The following TANC2 variants were observed in gnomAD, a reference collection of about 807,000 sequenced individuals.
TANC2 encodes the protein protein TANC2.
TANC2 carries 26 observed loss-of-function variants against 210.5 expected under a neutral mutation model. The observed-to-expected ratio is 0.12, with a 90% CI of 0.09 to 0.17. The LOEUF (loss-of-function observed/expected upper bound fraction) is 0.17. TANC2 is among the 10% of genes least tolerant of loss of function. The pLI, the probability that TANC2 is intolerant of heterozygous loss-of-function variation, is 1.00. For missense variants in TANC2, 2,129 were observed against 2,608.9 expected, an observed-to-expected ratio of 0.82 and a Z score of 4.01; for synonymous variants, 931 against 967.1, an observed-to-expected ratio of 0.96 and a Z score of 0.69.
At chr17:63,409,560 C>G (rs1490874506) in intron 21 of TANC2, among the ~76,000 whole-genome samples, 1 of 152,144 alleles carries the variant, frequency 6.6e-6, no homozygotes, top group Non-Finnish European at 1.5e-5. Context: ...GGGAGATGTT[C>G]AGAGAAATGC....
chr17:63,341,602 C>T (rs1015160448), intron 12 of TANC2, among the ~76,000 whole-genome samples: 44 of 152,328 alleles, frequency 2.9e-4, no homozygotes, highest in African/African-American at 8.9e-4. Flanking sequence ...CTGGACATGA[C>T]TGGCCCTGAG....
intron 14 of TANC2, among the ~76,000 whole-genome samples, chr17:63,356,613 A>G (rs1347795869): frequency 6.6e-6 from 1 of 152,214 alleles, no homozygotes; most frequent in East Asian, 1.9e-4. Context: ...CAGGCAATAG[A>G]CTTTGTAGCA....
At chr17:63,139,989 C>G (rs1245856681) in intron 4 of TANC2, among the ~76,000 whole-genome samples, 1 of 152,180 alleles carries the variant, frequency 6.6e-6, no homozygotes, top group Non-Finnish European at 1.5e-5. Context: ...TTTGCCCCAC[C>G]TGATTATAAC....
intron 6 of TANC2, among the ~76,000 whole-genome samples, chr17:63,195,674 C>G (rs2041322112): frequency 6.6e-6 from 1 of 152,222 alleles, no homozygotes; most frequent in East Asian, 1.9e-4. Context: ...TAAATGGTCT[C>G]CTAATAGGTC....
chr17:63,164,904 T>C (rs2040158707), intron 5 of TANC2, among the ~76,000 whole-genome samples: 1 of 152,138 alleles, frequency 6.6e-6, no homozygotes, highest in Non-Finnish European at 1.5e-5. Context: ...TAATCTCCCC[T>C]AGAAACACCC....
intron 14 of TANC2, among the ~76,000 whole-genome samples, chr17:63,355,992 G>A (rs1467076217): frequency 1.3e-5 from 2 of 152,060 alleles, no homozygotes; most frequent in Admixed American, 6.6e-5. Context: ...TAAGATGCTG[G>A]ATCAACTTGC....
At chr17:63,241,413 A>G (rs747468710) in intron 8 of TANC2, among the ~76,000 whole-genome samples, 1 of 152,226 alleles carries the variant, frequency 6.6e-6, no homozygotes, top group Non-Finnish European at 1.5e-5. Flanking sequence ...TGGAGATTTT[A>G]AGAGATTTCT....
chr17:63,204,673 A>T (rs988704487), intron 7 of TANC2, among the ~76,000 whole-genome samples: 2 of 152,200 alleles, frequency 1.3e-5, no homozygotes, highest in Non-Finnish European at 2.9e-5. Flanking sequence ...GTCATATGGA[A>T]TCTTAAAGGA....
Position 63,192,918 on chromosome 17 carries a change from A to G in TANC2, c.434-1073A>G, listed in dbSNP as rs74790752. Among the ~76,000 whole-genome samples the G allele has an allele frequency of 2.3e-3, 346 of 152,316 alleles. 3 individuals are homozygous for G. Among genetic ancestry groups the G allele is most frequent in the East Asian group, 0.013 (68 of 5,180 alleles). ...TAAATTCTCGTATCTGTTGTTAACC[A>G]TGTACATAGGAAACACTTATTATCA... On this transcript the variant is annotated intron_variant, in intron 5 of 27. Coordinates refer to ENST00000689528, the Ensembl canonical transcript of TANC2.
chr17:63,137,339 G>C (rs915458223), intron 4 of TANC2, among the ~76,000 whole-genome samples: 6 of 152,152 alleles, frequency 3.9e-5, no homozygotes, highest in Non-Finnish European at 7.4e-5. Flanking sequence ...GCATAAAGAA[G>C]ATGTTGATTT....
chr17:62,986,983 T>G (rs1413941540), intron 1 of TANC2, among the ~76,000 whole-genome samples: 1 of 152,168 alleles, frequency 6.6e-6, no homozygotes, highest in Non-Finnish European at 1.5e-5. Flanking sequence ...CATGGCCTTG[T>G]CTGCAGGGAA....
chr17:63,379,874 T>C, intron 15 of TANC2, 48 bp downstream of exon 15: 1 of 1,459,614 alleles, frequency 6.9e-7, no homozygotes, highest in Non-Finnish European at 9.5e-7. Context: ...TAGCAGACTT[T>C]CATATGCTTT....
At chr17:63,182,206 C>T in intron 5 of TANC2, 1 of 167,682 alleles carries the variant, frequency 6.0e-6, no homozygotes, top group Non-Finnish European at 1.3e-5. Context: ...TAGAGACATG[C>T]CCACCTGGCT....
intron 5 of TANC2, among the ~76,000 whole-genome samples, chr17:63,186,288 G>A (rs2040980423): frequency 6.7e-6 from 1 of 149,410 alleles, no homozygotes; most frequent in African/African-American, 2.5e-5. Context: ...GTCTAGCTGT[G>A]TCTTAATTAC....
At chr17:63,256,687 G>T (rs550465423) in intron 8 of TANC2, among the ~76,000 whole-genome samples, 1 of 152,108 alleles carries the variant, frequency 6.6e-6, no homozygotes, top group African/African-American at 2.4e-5. Flanking sequence ...CTGACAGTGG[G>T]GTGTTGAGGT....
intron 26 of TANC2, 98 bp downstream of exon 26, chr17:63,415,772 C>G: frequency 6.9e-7 from 1 of 1,449,918 alleles, no homozygotes; most frequent in Non-Finnish European, 9.3e-7. Context: ...CCTCCTCTGC[C>G]CCATTTGGAA....
chr17:63,414,773 G>A (rs181519405), intron 25 of TANC2, among the ~76,000 whole-genome samples: 1 of 152,298 alleles, frequency 6.6e-6, no homozygotes, highest in Admixed American at 6.5e-5. Context: ...TAAAGGGGTG[G>A]GAGATGCCGC....
chr17:63,291,866 A>T (rs1401990859), intron 9 of TANC2, among the ~76,000 whole-genome samples: 4 of 152,200 alleles, frequency 2.6e-5, no homozygotes, highest in Non-Finnish European at 5.9e-5. Flanking sequence ...GAGGAAAGGG[A>T]TTATATCTAA....
At chr17:63,103,909 A>G (rs1286373614) in intron 4 of TANC2, among the ~76,000 whole-genome samples, 1 of 152,098 alleles carries the variant, frequency 6.6e-6, no homozygotes. Flanking sequence ...GTTCATAGAG[A>G]GGTAAATGTC....
Sources: gnomAD v4.1 joint callset for allele counts (sites outside exome capture counted in the v4.1 genomes callset) on GRCh38, gnomAD v4.1.1 for gene constraint, MANE v1.5 for transcripts, NCBI Gene and HGNC (gene_info 2026-07-23, HGNC 2026-07-21) for gene names.